CERT1: variants seen among roughly 807,000 people sequenced by gnomAD.
The protein encoded by CERT1 is ceramide transporter 1, also known as ceramide transfer protein.
Under a neutral mutation model 87.9 loss-of-function variants are expected in CERT1, and 31 were observed. The ratio of observed to expected loss-of-function variants is 0.35; its 90% CI spans 0.27 to 0.48. CERT1 has a LOEUF of 0.48. Among genes scored for constraint, CERT1 ranks in the 20% least tolerant of loss-of-function variants. The probability of loss-of-function intolerance (pLI) is 0.99; values close to 1 mark genes in which losing one functional copy is unlikely to be tolerated. For synonymous variants in CERT1, 289 were observed against 250.9 expected, an observed-to-expected ratio of 1.15 and a Z score of -1.44; for missense variants, 487 against 758.0, an observed-to-expected ratio of 0.64 and a Z score of 4.20.
At chr5:75,418,910 G>C (rs140319545) in intron 6 of CERT1, among the ~76,000 whole-genome samples, 1 of 152,164 alleles carries the variant, frequency 6.6e-6, no homozygotes, top group African/African-American at 2.4e-5. Flanking sequence ...ATAGTTTCAC[G>C]AAAATATCCA....
chr5:75,459,679 TG>T (rs1289039752), intron 2 of CERT1, among the ~76,000 whole-genome samples: 6 of 151,978 alleles, frequency 3.9e-5, no homozygotes, highest in Non-Finnish European at 8.8e-5. Context: ...AATGTAGGCT[TG>T]CTGGCTGGGC....
chr5:75,397,385 G>A (rs1057192276), intron 11 of CERT1, among the ~76,000 whole-genome samples: 8 of 152,084 alleles, frequency 5.3e-5, no homozygotes, highest in East Asian at 1.9e-4. Context: ...TTAATATTAC[G>A]AAGAAGTAAG....
chr5:75,412,449 C>T (rs553850847), intron 7 of CERT1, among the ~76,000 whole-genome samples: 2 of 152,276 alleles, frequency 1.3e-5, no homozygotes, highest in East Asian at 3.9e-4. Flanking sequence ...ACAGATTATG[C>T]TTGTGATCTA....
chr5:75,496,550 C>T (rs919416265), intron 2 of CERT1, among the ~76,000 whole-genome samples: 3 of 152,130 alleles, frequency 2.0e-5, no homozygotes, highest in East Asian at 1.9e-4. Context: ...TTTATTGTAT[C>T]TCAAAACTGG....
In CERT1 at chr5:75,389,631, A is replaced by C. The variant is rs1361215786; in HGVS notation, c.1245T>G (p.Asp415Glu). The C allele has an allele frequency of 6.2e-7, 1 of 1,614,118 alleles. No individual in the cohort carries two copies. Among genetic ancestry groups the C allele is most frequent in the East Asian group, 2.2e-5 (1 of 44,866 alleles). Residue 415 changes from aspartate to glutamate, a missense_variant, in exon 12 of 17, where the codon GAT (aspartate) becomes GAG (glutamate). By Grantham distance (45) the Asp-to-Glu change is conservative. Coordinates refer to ENST00000643780, the MANE Select transcript of CERT1 (RefSeq NM_001379029.1). ...CTTCTACAACCAACTGCCAATTGGC[A>C]TCTCCGCCTACATCCTGTAATGAGT... ...MTYSLQDVGG[D>E]ANWQLVVEEG... is the part of the protein sequence containing the mutation.
At chr5:75,380,901 G>A (rs528198037) in intron 16 of CERT1, among the ~76,000 whole-genome samples, 171 bp downstream of exon 16, 60 of 151,756 alleles carry the variant, frequency 4.0e-4, no homozygotes, top group Admixed American at 2.8e-3. Flanking sequence ...GTGAAATTCA[G>A]ACATCTGTAC....
intron 3 of CERT1, among the ~76,000 whole-genome samples, chr5:75,457,456 A>G (rs1315611200): frequency 6.6e-6 from 1 of 152,192 alleles, no homozygotes; most frequent in Non-Finnish European, 1.5e-5. Flanking sequence ...GATTTTTTGA[A>G]TAGTAGCTCA....
chr5:75,447,021 T>C (rs1764571471), intron 3 of CERT1, among the ~76,000 whole-genome samples: 1 of 152,172 alleles, frequency 6.6e-6, no homozygotes, highest in Non-Finnish European at 1.5e-5. Context: ...ATCCCTAGTA[T>C]TTAGAGGACA....
At chr5:75,477,300 C>T (rs1045517464) in intron 2 of CERT1, among the ~76,000 whole-genome samples, 1 of 152,054 alleles carries the variant, frequency 6.6e-6, no homozygotes, top group African/African-American at 2.4e-5. Flanking sequence ...TTTCTCTGAT[C>T]CATAACATCA....
intron 2 of CERT1, among the ~76,000 whole-genome samples, chr5:75,495,402 A>C (rs1227522665): frequency 6.6e-6 from 1 of 152,036 alleles, no homozygotes; most frequent in African/African-American, 2.4e-5. Flanking sequence ...ACAAAAACAC[A>C]CAAAAATTAG....
At chr5:75,399,932 A>G (rs1435097797) in intron 10 of CERT1, among the ~76,000 whole-genome samples, 2 of 152,130 alleles carry the variant, frequency 1.3e-5, no homozygotes, top group Non-Finnish European at 2.9e-5. Flanking sequence ...AGGTCAGGAG[A>G]TCAAGACCAT....
At chr5:75,488,484 AAATT>A (rs1470150976) in intron 2 of CERT1, among the ~76,000 whole-genome samples, 3 of 152,158 alleles carry the variant, frequency 2.0e-5, no homozygotes, top group Non-Finnish European at 4.4e-5. Flanking sequence ...AAAAACTAAT[AAATT>A]ATTTGCAAAT....
chr5:75,475,796 T>C, intron 2 of CERT1, among the ~76,000 whole-genome samples: 1 of 151,938 alleles, frequency 6.6e-6, no homozygotes, highest in East Asian at 1.9e-4. Context: ...CTATCAGAGG[T>C]CACAGATGGT....
intron 2 of CERT1, among the ~76,000 whole-genome samples, chr5:75,491,783 G>A (rs1766809684): frequency 6.6e-6 from 1 of 152,138 alleles, no homozygotes; most frequent in East Asian, 1.9e-4. Flanking sequence ...AAGTTATTTT[G>A]TATCTTTTAG....
intron 3 of CERT1, among the ~76,000 whole-genome samples, chr5:75,428,301 C>T (rs1315793039): frequency 6.9e-6 from 1 of 144,630 alleles, no homozygotes; most frequent in Non-Finnish European, 1.5e-5. Context: ...AATGGTGGCA[C>T]CCAATCAAAA....
At chr5:75,473,989 G>GA (rs1289755909) in intron 2 of CERT1, among the ~76,000 whole-genome samples, 6 of 152,242 alleles carry the variant, frequency 3.9e-5, no homozygotes, top group South Asian at 4.1e-4. Context: ...CCTGTTCTAA[G>GA]AAAAAACAAC....
intron 2 of CERT1, among the ~76,000 whole-genome samples, chr5:75,492,186 A>T (rs962478080): frequency 2.0e-5 from 3 of 151,880 alleles, no homozygotes; most frequent in Non-Finnish European, 2.9e-5. Flanking sequence ...TCTACCAAAA[A>T]ACAAACAAAC....
intron 11 of CERT1, among the ~76,000 whole-genome samples, chr5:75,394,053 T>G (rs1762146852): frequency 6.6e-6 from 1 of 152,132 alleles, no homozygotes; most frequent in Admixed American, 6.5e-5. Context: ...AACAAAATAG[T>G]GCACTGTTAA....
chr5:75,406,203 G>A lies in CERT1; in HGVS notation c.931-3145C>T, dbSNP rs1433048197. ...TAACCATTCTTTCCTCTCAATTTGT[G>A]GAGGCTCTACCTTCCAAAGAGAATT... On this transcript the variant is annotated intron_variant, in intron 8 of 16. Transcript: ENST00000643780. Among the ~76,000 whole-genome samples, 4 of 152,102 alleles carry A rather than the reference G, an allele frequency of 2.6e-5. No individual in the cohort carries two copies. In the East Asian group the frequency reaches 5.8e-4, roughly 22 times the overall value.
Sources: gnomAD v4.1 joint callset for allele counts (sites outside exome capture counted in the v4.1 genomes callset) on GRCh38, gnomAD v4.1.1 for gene constraint, MANE v1.5 for transcripts, NCBI Gene and HGNC (gene_info 2026-07-23, HGNC 2026-07-21) for gene names.